The following CFAP299 variants were observed in gnomAD, a reference collection of about 807,000 sequenced individuals.
The protein encoded by CFAP299 is cilia- and flagella-associated protein 299.
A neutral mutation model predicts 27.0 loss-of-function variants in CFAP299; 21 were observed. That is an observed-to-expected ratio of 0.78 (90% confidence interval 0.55 to 1.12). The LOEUF (loss-of-function observed/expected upper bound fraction) is 1.12. CFAP299 is among the 50% of genes most tolerant of loss of function. CFAP299 has a pLI of 0.00. For missense variants in CFAP299, 310 were observed against 276.6 expected, an observed-to-expected ratio of 1.12 and a Z score of -0.86; for synonymous variants, 104 against 98.1, an observed-to-expected ratio of 1.06 and a Z score of -0.36.
At chr4:80,843,448 A>T (rs554064258) in intron 3 of CFAP299, among the ~76,000 whole-genome samples, 1 of 152,248 alleles carries the variant, frequency 6.6e-6, no homozygotes, top group African/African-American at 2.4e-5. Context: ...CGTGGTGTAT[A>T]TGTGCCACAT....
rs148675059 is a variant in CFAP299 at position 80,579,384 on chromosome 4, C to A, written c.243-3709C>A. Among the ~76,000 whole-genome samples, 454 of 152,244 alleles carry A rather than the reference C, an allele frequency of 3.0e-3. 3 individuals carry two copies. The highest frequency in any genetic ancestry group is 0.011 in the African/African-American group (445 of 41,552). ...GAGACTAAGAAATGTGGTCTTTATT[C>A]CAGGCTGCTACATGCCCAAGTGAAA... On this transcript the variant is annotated intron_variant, in intron 2 of 5. Transcript: ENST00000358105.
chr4:80,629,634 C>T (rs143910279), intron 3 of CFAP299, among the ~76,000 whole-genome samples: 1 of 152,152 alleles, frequency 6.6e-6, no homozygotes, highest in East Asian at 1.9e-4. Context: ...AACCCCAACA[C>T]TTTGGGAGGC....
At chr4:80,683,558 AT>A (rs1348655532) in intron 3 of CFAP299, among the ~76,000 whole-genome samples, 1 of 152,222 alleles carries the variant, frequency 6.6e-6, no homozygotes, top group East Asian at 1.9e-4. Flanking sequence ...TTAATAAAAT[AT>A]CTCTTGCACA....
intron 5 of CFAP299, among the ~76,000 whole-genome samples, chr4:80,951,258 G>A (rs1266671624): frequency 2.6e-5 from 4 of 152,146 alleles, no homozygotes; most frequent in African/African-American, 9.7e-5. Context: ...TCTATTGGAT[G>A]TAGGACATTA....
chr4:80,787,009 G>C (rs1727283860), intron 3 of CFAP299, among the ~76,000 whole-genome samples: 1 of 151,788 alleles, frequency 6.6e-6, no homozygotes, highest in South Asian at 2.1e-4. Flanking sequence ...ATGATATTCA[G>C]AGATTTGTCC....
At chr4:80,700,327 G>A (rs1054128326) in intron 3 of CFAP299, among the ~76,000 whole-genome samples, 1 of 152,082 alleles carries the variant, frequency 6.6e-6, no homozygotes, top group Non-Finnish European at 1.5e-5. Flanking sequence ...TTAGAACAAT[G>A]AATGGCACTT....
intron 4 of CFAP299, among the ~76,000 whole-genome samples, chr4:80,898,682 A>G (rs1019943491): frequency 6.6e-6 from 1 of 152,090 alleles, no homozygotes; most frequent in African/African-American, 2.4e-5. Context: ...AGATAATCTG[A>G]GAAAATTAGA....
At chr4:80,692,989 A>G (rs1720831803) in intron 3 of CFAP299, among the ~76,000 whole-genome samples, 1 of 152,254 alleles carries the variant, frequency 6.6e-6, no homozygotes, top group Non-Finnish European at 1.5e-5. Context: ...AATCAAATCC[A>G]CAATGAGATA....
At chr4:80,581,056 G>A (rs1043166264) in intron 2 of CFAP299, among the ~76,000 whole-genome samples, 3 of 151,736 alleles carry the variant, frequency 2.0e-5, no homozygotes, top group African/African-American at 7.3e-5. Context: ...GGTTACTACA[G>A]TATAACCTAA....
chr4:80,953,563 C>T (rs1436187713), intron 5 of CFAP299, among the ~76,000 whole-genome samples: 2 of 152,024 alleles, frequency 1.3e-5, no homozygotes, highest in African/African-American at 2.4e-5. Flanking sequence ...AATTAAAACT[C>T]CTAAAACTTA....
intron 3 of CFAP299, among the ~76,000 whole-genome samples, chr4:80,667,328 C>T (rs937421426): frequency 1.3e-5 from 2 of 152,030 alleles, no homozygotes; most frequent in Non-Finnish European, 2.9e-5. Context: ...TTTATCTTTT[C>T]TTTATGCTAG....
At chr4:80,543,150 A>C (rs1734081680) in intron 2 of CFAP299, among the ~76,000 whole-genome samples, 1 of 152,208 alleles carries the variant, frequency 6.6e-6, no homozygotes, top group African/African-American at 2.4e-5. Context: ...AACTACACGC[A>C]ACTGGCACCA....
At chr4:80,609,574 C>T (rs956868381) in intron 3 of CFAP299, among the ~76,000 whole-genome samples, 5 of 151,724 alleles carry the variant, frequency 3.3e-5, no homozygotes, top group Non-Finnish European at 7.4e-5. Flanking sequence ...GAGTAATCAA[C>T]GTTAATGTTA....
intron 4 of CFAP299, among the ~76,000 whole-genome samples, chr4:80,902,093 T>C (rs1414819923): frequency 6.6e-6 from 1 of 151,972 alleles, no homozygotes; most frequent in Non-Finnish European, 1.5e-5. Context: ...CTGGGTCAGG[T>C]GCCTTCCTCT....
chr4:80,638,411 T>C (rs1244932666), intron 3 of CFAP299, among the ~76,000 whole-genome samples: 4 of 152,174 alleles, frequency 2.6e-5, no homozygotes, highest in Non-Finnish European at 4.4e-5. Context: ...GCTTCTTGGG[T>C]CTAGTGATAG....
At chr4:80,755,085 AATC>A (rs371593384) in intron 3 of CFAP299, among the ~76,000 whole-genome samples, 170 of 152,272 alleles carry the variant, frequency 1.1e-3, no homozygotes, top group African/African-American at 3.7e-3. Flanking sequence ...GGTGAATATT[AATC>A]AAATGAGATA....
At chr4:80,551,779 C>T (rs1435397940) in intron 2 of CFAP299, among the ~76,000 whole-genome samples, 1 of 150,564 alleles carries the variant, frequency 6.6e-6, no homozygotes, top group Non-Finnish European at 1.5e-5. Context: ...AATGGAGACT[C>T]GGTCTATCAC....
chr4:80,580,430 T>C (rs149853543), intron 2 of CFAP299, among the ~76,000 whole-genome samples: 1 of 152,064 alleles, frequency 6.6e-6, no homozygotes, highest in African/African-American at 2.4e-5. Context: ...AAGCAATAGA[T>C]GTCTACAACT....
intron 2 of CFAP299, chr4:80,386,975 G>T: frequency 1.0e-6 from 1 of 979,838 alleles, no homozygotes; most frequent in Non-Finnish European, 1.7e-6. Flanking sequence ...TGCACACCTG[G>T]CCCTTGAACC....
Sources: allele counts gnomAD v4.1 joint callset (sites outside exome capture counted in the v4.1 genomes callset), GRCh38; gene constraint gnomAD v4.1.1; transcripts MANE v1.5; gene names NCBI Gene and HGNC (gene_info 2026-07-23, HGNC 2026-07-21).